IFT172: variants seen among roughly 807,000 people sequenced by gnomAD.
IFT172 encodes the protein intraflagellar transport protein 172 homolog.
In IFT172, 164 loss-of-function variants were observed where a neutral mutation model predicts 248.9. That is an observed-to-expected ratio of 0.66 (90% CI 0.58 to 0.75). IFT172 has a LOEUF of 0.75. IFT172 is among the 30% of genes least tolerant of loss of function. IFT172 has a pLI of 0.00. For missense variants in IFT172, 1,950 were observed against 2,192.4 expected, an observed-to-expected ratio of 0.89 and a Z score of 2.21; for synonymous variants, 729 against 791.6, an observed-to-expected ratio of 0.92 and a Z score of 1.33.
At position 27,484,318 on chromosome 2, in the gene IFT172, G is replaced by A. The variant is rs149833887; in HGVS notation, c.297-52C>T. ...ATTAAAAACCACTTCCAGGCCGGGC[G>A]TGGTGGCTCATGCCTGTAATCCCAG... is the stretch of plus-strand genomic sequence containing the variant. On this transcript the variant is annotated intron_variant, in intron 3 of 47. Transcript: ENST00000260570. 3.0e-4 allele frequency: 484 copies of A among 1,599,960 alleles called. 3 individuals are homozygous for A. The African/African-American group carries it at 5.5e-3, about 18-fold the overall frequency.
rs758565766 is a variant in IFT172 at position 27,447,632 on chromosome 2, A to C, written c.4542T>G (p.Cys1514Trp). 3.9e-5 allele frequency: 63 copies of C among 1,613,982 alleles called. 1 individual carries two copies. In the South Asian group the frequency reaches 5.6e-4, roughly 14 times the overall value. Residue 1514 changes from cysteine to tryptophan, a missense_variant and splice_region_variant, in exon 42 of 48, where the codon TGT (cysteine) becomes TGG (tryptophan). By Grantham distance (215) the Cys-to-Trp change is radical (BLOSUM62 -2). Around this residue, in one of 3 missense-constraint regions of IFT172, gnomAD observed 620 missense variants for 699.0 expected, o/e 0.89. Coordinates refer to ENST00000260570, the MANE Select transcript of IFT172 (RefSeq NM_015662.3). ...ADLRDVLFNL[C>W]ENLVKSSEAN... ...CCTCACTGGACTTCACCAGGTTTTCACACTAGAGGAGGGAGACAGCACAGC... is the reference window on the plus strand; with the variant it reads ...CCTCACTGGACTTCACCAGGTTTTCCCACTAGAGGAGGGAGACAGCACAGC...
At position 27,453,719 on chromosome 2, in the gene IFT172, G is replaced by T; in HGVS notation, c.3732C>A (p.Asp1244Glu). ...NYYKEAGLWSDALRICKDYVP... is the reference protein window; with the variant it reads ...NYYKEAGLWSEALRICKDYVP... ...CATAGTCCTTGCAGATGCGCAGAGC[G>T]TCACTCCATAATCCAGCCTCCTGCT... Residue 1244 changes from aspartate (D) to glutamate (E), a missense_variant, in exon 34 of 48, where the codon GAC becomes GAA. By Grantham distance (45) the Asp-to-Glu change is conservative (BLOSUM62 2). Coordinates refer to ENST00000260570, the MANE Select transcript of IFT172 (RefSeq NM_015662.3). 6.2e-7 allele frequency: 1 copy of T among 1,612,082 alleles called. No homozygotes were observed. The highest frequency in any genetic ancestry group is 8.5e-7 in the Non-Finnish European group (1 of 1,179,532).
At chr2:27,463,656 T>C (rs995751699) in intron 18 of IFT172, among the ~76,000 whole-genome samples, 3 of 152,028 alleles carry the variant, frequency 2.0e-5, no homozygotes, top group South Asian at 2.1e-4. Flanking sequence ...CTGTTATAGA[T>C]AGTGACTGAA....
chr2:27,461,337 G>C lies in IFT172; in HGVS notation c.2374C>G (p.Leu792Val). ...AARLVLTREE[L>V]LANTELVEHI... is the part of the protein sequence containing the mutation. ...TCTACCAGCTCTGTGTTGGCTAGCA[G>C]TTCCTCTCGGGTCAGCACCAGCCGA... Residue 792 changes from leucine to valine, a missense_variant, in exon 22 of 48, where the codon CTG becomes GTG. Coordinates refer to ENST00000260570, the MANE Select transcript of IFT172 (RefSeq NM_015662.3). The C allele has an allele frequency of 4.3e-6, 7 of 1,614,202 alleles. No homozygotes were observed. Among genetic ancestry groups the C allele is most frequent in the Non-Finnish European group, 5.9e-6 (7 of 1,180,028 alleles).
At chr2:27,458,990 G>C in intron 25 of IFT172, 122 bp from the exon 26 acceptor site, 2 of 954,744 alleles carry the variant, frequency 2.1e-6, no homozygotes, top group Non-Finnish European at 3.1e-6. Context: ...TGTAATAATA[G>C]AGAAGAAAAG....
chr2:27,457,777 T>C (rs542534608), intron 28 of IFT172, 22 bp from the exon 29 acceptor site: 3 of 1,613,798 alleles, frequency 1.9e-6, no homozygotes, highest in Admixed American at 3.3e-5. Flanking sequence ...TGAGTCAGGA[T>C]GGAGAGATGG....
chr2:27,484,913 C>T, intron 3 of IFT172, 105 bp downstream of exon 3: 1 of 734,140 alleles, frequency 1.4e-6, no homozygotes, highest in Non-Finnish European at 2.4e-6. Context: ...CCTTCAATGG[C>T]CAAGCTTGGC....
rs533242256 is a variant in IFT172 at position 27,458,748 on chromosome 2, T to C, written c.2877+31A>G. 3.9e-5 allele frequency: 62 copies of C among 1,610,020 alleles called. 1 individual carries two copies. The East Asian group carries it at 1.3e-3, about 34-fold the overall frequency. On this transcript the variant is annotated intron_variant, in intron 26 of 47. Coordinates refer to ENST00000260570, the MANE Select transcript of IFT172 (RefSeq NM_015662.3). ...AGGCCACAATGCCACTAAGGCAGAG[T>C]TCTCTTATCATGAACTCCACCCATC...
At chr2:27,472,173 C>T (rs771249080) in intron 15 of IFT172, 77 bp downstream of exon 15, 10 of 968,008 alleles carry the variant, frequency 1.0e-5, no homozygotes, top group South Asian at 5.1e-5. Context: ...ATCCTGCCTC[C>T]CTCAGTCCCT....
chr2:27,467,588 G>A (rs1230013712), intron 16 of IFT172, among the ~76,000 whole-genome samples: 4 of 139,674 alleles, frequency 2.9e-5, no homozygotes, highest in Non-Finnish European at 6.1e-5. Context: ...CTCCAGCATG[G>A]CGCAACAGAA....
rs1223817766 is a variant in IFT172 at position 27,445,878 on chromosome 2, G to T, written c.4816-35C>A. ...AGTGGGCAACCATGAACTAGGCACA[G>T]CTCGCGACTGGCAAAAACCTCCACC... On this transcript the variant is annotated intron_variant, in intron 44 of 47. Coordinates refer to ENST00000260570, the MANE Select transcript of IFT172 (RefSeq NM_015662.3). This position sits in a 1 kb window ranked among gnomAD's most constrained non-coding sequence, Gnocchi z 4.4. The T allele has an allele frequency of 6.2e-7, 1 of 1,614,050 alleles. No individual in the cohort carries two copies. Among genetic ancestry groups the T allele is most frequent in the East Asian group, 2.2e-5 (1 of 44,898 alleles).
intron 39 of IFT172, 68 bp downstream of exon 39, chr2:27,449,226 A>G: frequency 6.3e-7 from 1 of 1,578,548 alleles, no homozygotes; most frequent in Non-Finnish European, 8.7e-7. Context: ...GAAGAGATGC[A>G]TCTTTGAGGC....
chr2:27,483,885 A>C lies in IFT172; in HGVS notation c.389T>G (p.Leu130Arg), dbSNP rs1388593336. ...WPAEYIIVFG[L>R]AEGKVRLANT... is the part of the protein sequence containing the mutation. The stretch of plus-strand genomic sequence containing the variant: ...TCCCTCTTTTACCTTCCCTTCAGCC[A>C]GTCCAAAGACAATGATGTATTCTGC... The change falls in exon 5 of 48, where the codon CTG becomes CGG. Residue 130 changes from leucine to arginine, a missense_variant. Transcript: ENST00000260570. The C allele has an allele frequency of 6.2e-7, 1 of 1,613,474 alleles. No individual in the cohort carries two copies. Among genetic ancestry groups the C allele is most frequent in the Non-Finnish European group, 8.5e-7 (1 of 1,179,496 alleles).
In IFT172 at chr2:27,489,677, C is replaced by T. The variant is rs780259317; in HGVS notation, c.-24G>A. 6.3e-6 allele frequency: 10 copies of T among 1,598,576 alleles called. No homozygotes were observed. Among genetic ancestry groups the T allele is most frequent in the Admixed American group, 1.7e-5 (1 of 58,604 alleles). On this transcript the variant is annotated 5_prime_UTR_variant, in exon 1 of 48. Coordinates refer to ENST00000260570, the MANE Select transcript of IFT172 (RefSeq NM_015662.3). ...ATGACGCACACCTGTCTTTCAGATG[C>T]TCCTAGACAGCGACAACTCCCGTGG...
At position 27,454,205 on chromosome 2, in the gene IFT172, G is replaced by C. The variant is rs776717906; in HGVS notation, c.3531-43C>G. 1.2e-6 allele frequency: 2 copies of C among 1,603,794 alleles called. No individual in the cohort carries two copies. On this transcript the variant is annotated intron_variant, in intron 32 of 47. Coordinates refer to ENST00000260570, the MANE Select transcript of IFT172 (RefSeq NM_015662.3). This position sits in a 1 kb window ranked among gnomAD's most constrained non-coding sequence, Gnocchi z 4.2. ...CAGAGGAGAGACTGAGTATAGGACT[G>C]AGGCCCCAATAGTGGGAGACAAACA...
chr2:27,470,445 T>C (rs1351488540), intron 16 of IFT172, among the ~76,000 whole-genome samples: 1 of 152,132 alleles, frequency 6.6e-6, no homozygotes, highest in Admixed American at 6.6e-5. Flanking sequence ...GCTCTACCCA[T>C]ACACACACAC....
intron 35 of IFT172, among the ~76,000 whole-genome samples, chr2:27,452,412 A>G (rs1306666435): frequency 6.6e-6 from 1 of 152,210 alleles, no homozygotes; most frequent in Non-Finnish European, 1.5e-5. Flanking sequence ...GTCTATCTCC[A>G]TAACTGCATG....
In IFT172 at chr2:27,457,639, C is replaced by T. The variant is rs748812116; in HGVS notation, c.3228G>A (p.Arg1076=). Residue 1076 remains arginine, a splice_region_variant and synonymous_variant, in exon 29 of 48, where the codon AGG becomes AGA. Coordinates refer to ENST00000260570, the MANE Select transcript of IFT172 (RefSeq NM_015662.3). ...CCTCAGTGTGGCCTGAACTCCTTAC[C>T]CTGTAGGCCTCTTCCCAAAGCCCAC... ...RASGLWEEAY[R]VARTQGGANA... 1 of 1,613,122 alleles carries T rather than the reference C, an allele frequency of 6.2e-7. No homozygotes were observed. The highest frequency in any genetic ancestry group is 8.5e-7 in the Non-Finnish European group (1 of 1,179,250).
chr2:27,457,327 T>C (rs1283369948), intron 29 of IFT172, among the ~76,000 whole-genome samples: 1 of 152,140 alleles, frequency 6.6e-6, no homozygotes. Context: ...CCCAACACTT[T>C]GGGAGGCCAA....
Sources: allele counts gnomAD v4.1 joint callset (sites outside exome capture counted in the v4.1 genomes callset), GRCh38; gene constraint gnomAD v4.1.1; regional missense constraint gnomAD v4.1.1; non-coding constraint Gnocchi (gnomAD v3.1); transcripts MANE v1.5; gene names NCBI Gene and HGNC (gene_info 2026-07-23, HGNC 2026-07-21).